The following VAC14 variants were observed in gnomAD, a reference collection of about 807,000 sequenced individuals.
VAC14 encodes VAC14 component of PIKFYVE complex, also known as protein VAC14 homolog.
A neutral mutation model predicts 85.3 loss-of-function variants in VAC14; 47 were observed. That is an observed-to-expected ratio of 0.55 (90% confidence interval 0.44 to 0.70). The LOEUF (loss-of-function observed/expected upper bound fraction) is 0.70. VAC14 is among the 30% of genes least tolerant of loss of function. The pLI is 0.00. For missense variants in VAC14, 861 were observed against 1,004.3 expected (o/e 0.86, Z 1.93); for synonymous variants, 447 against 430.5 (o/e 1.04, Z -0.47).
chr16:70,724,620 G>C (rs1046868218), intron 14 of VAC14, among the ~76,000 whole-genome samples: 3 of 152,162 alleles, frequency 2.0e-5, no homozygotes, highest in Non-Finnish European at 4.4e-5. Flanking sequence ...GAGAAGCCGG[G>C]AGCCGGTTGT....
chr16:70,764,607 G>C (rs2032663357), intron 10 of VAC14, among the ~76,000 whole-genome samples: 2 of 152,326 alleles, frequency 1.3e-5, no homozygotes, highest in South Asian at 4.1e-4. Context: ...CAGGTGAAAT[G>C]AATTTCAATG....
chr16:70,717,576 A>C (rs909075259), intron 14 of VAC14, among the ~76,000 whole-genome samples: 3 of 152,224 alleles, frequency 2.0e-5, no homozygotes, highest in East Asian at 3.8e-4. Context: ...TCCTGACTGC[A>C]CAGAACTGGA....
In VAC14 at chr16:70,750,055, T is replaced by C. The variant is rs2031249950; in HGVS notation, c.1372-5476A>G. 2.0e-5 allele frequency among the ~76,000 whole-genome samples: 3 copies of C among 152,210 alleles called. No individual in the cohort carries two copies. In the South Asian group the frequency reaches 6.2e-4, roughly 31 times the overall value. ...CCTGGAGACCCTGCAACCCTTGGTG[T>C]ATAGGTAGAAACCTCTGGAGGAGAA... On this transcript the variant is annotated intron_variant, in intron 12 of 18. Coordinates refer to ENST00000261776, the MANE Select transcript of VAC14 (RefSeq NM_018052.5).
At chr16:70,763,951 C>A (rs1376541223) in intron 10 of VAC14, among the ~76,000 whole-genome samples, 1 of 152,180 alleles carries the variant, frequency 6.6e-6, no homozygotes, top group Non-Finnish European at 1.5e-5. Flanking sequence ...CCCTTCCTAC[C>A]GAGGCACTAC....
At chr16:70,708,687 G>A (rs1272540325) in intron 14 of VAC14, among the ~76,000 whole-genome samples, 2 of 152,242 alleles carry the variant, frequency 1.3e-5, no homozygotes, top group Non-Finnish European at 2.9e-5. Context: ...ACCCTGTGCT[G>A]GAGGCTCTGA....
chr16:70,692,155 GC>G, intron 18 of VAC14: 1 of 936,108 alleles, frequency 1.1e-6, no homozygotes, highest in Non-Finnish European at 1.3e-6. Context: ...TGGGGTAGGG[GC>G]CAGCCGTGGG....
chr16:70,689,751 A>G (rs1273052571), intron 18 of VAC14: 8 of 985,478 alleles, frequency 8.1e-6, no homozygotes, highest in Non-Finnish European at 9.6e-6. Context: ...GGGCGGGGCC[A>G]TTCTAGAGGG....
intron 13 of VAC14, among the ~76,000 whole-genome samples, chr16:70,740,944 G>A (rs80004107): frequency 0.012 from 1,837 of 152,360 alleles, 38 homozygotes; most frequent in African/African-American, 0.042. Context: ...AGGCCAACAC[G>A]GCAGCTACCC....
intron 14 of VAC14, 153 bp downstream of exon 14, chr16:70,731,342 G>C: frequency 3.4e-6 from 5 of 1,486,318 alleles, no homozygotes; most frequent in Non-Finnish European, 4.5e-6. Context: ...CAGTATGAAG[G>C]GGCAACCTTC....
intron 2 of VAC14, 55 bp downstream of exon 2, chr16:70,786,160 T>G (rs1256031697): frequency 5.0e-6 from 8 of 1,589,324 alleles, no homozygotes; most frequent in Non-Finnish European, 6.0e-6. Flanking sequence ...TCGGGATGGC[T>G]TGGTCAGCGT....
chr16:70,759,008 G>A (rs1260918590), intron 12 of VAC14, among the ~76,000 whole-genome samples: 1 of 152,190 alleles, frequency 6.6e-6, no homozygotes, highest in African/African-American at 2.4e-5. Context: ...GTCACTCGGT[G>A]GAACTGAGGA....
intron 10 of VAC14, among the ~76,000 whole-genome samples, chr16:70,767,822 A>G (rs2032930829): frequency 1.3e-5 from 2 of 152,228 alleles, no homozygotes. Context: ...TAAAGTGTGT[A>G]AAGTGCTTTC....
intron 13 of VAC14, among the ~76,000 whole-genome samples, chr16:70,732,376 G>A (rs981544763): frequency 3.3e-5 from 5 of 152,158 alleles, no homozygotes; most frequent in Admixed American, 6.5e-5. Context: ...TCTCTGACGC[G>A]TGTCCCAGCT....
At chr16:70,749,960 G>A (rs370705855) in intron 12 of VAC14, among the ~76,000 whole-genome samples, 1 of 152,354 alleles carries the variant, frequency 6.6e-6, no homozygotes, top group African/African-American at 2.4e-5. Context: ...AGAGACTGTG[G>A]GGAGCTGCTC....
chr16:70,725,538 T>G (rs1266322023), intron 14 of VAC14, among the ~76,000 whole-genome samples: 1 of 72,078 alleles, frequency 1.4e-5, no homozygotes, highest in Non-Finnish European at 2.7e-5. Context: ...CCACTCCACC[T>G]ATTCCCCCTC....
At position 70,801,089 on chromosome 16, in the gene VAC14, C is replaced by A. The variant is rs1232391569; in HGVS notation, c.-189G>T. ...CCGGACCCCGCTCCAGCACACCTGA[C>A]CCTGGCCGCTTAACAACTCCCGCCC... On this transcript the variant is annotated 5_prime_UTR_variant, in exon 1 of 19. Coordinates refer to ENST00000261776, the MANE Select transcript of VAC14 (RefSeq NM_018052.5). 6 of 455,432 alleles carry A rather than the reference C, an allele frequency of 1.3e-5. No homozygotes were observed. The South Asian group carries it at 1.8e-4, about 13-fold the overall frequency. 28.2% of individuals were successfully genotyped at this position (455,432 alleles called of 1,614,324 possible).
chr16:70,712,597 C>T (rs997429464), intron 14 of VAC14, among the ~76,000 whole-genome samples: 2 of 152,230 alleles, frequency 1.3e-5, no homozygotes, highest in African/African-American at 4.8e-5. Flanking sequence ...CAGAGCTCTC[C>T]GAGTCCAGAG....
intron 1 of VAC14, among the ~76,000 whole-genome samples, chr16:70,794,925 C>A (rs2034480740): frequency 6.6e-6 from 1 of 152,192 alleles, no homozygotes; most frequent in African/African-American, 2.4e-5. Flanking sequence ...CCACAGTGGA[C>A]CCGTAAGATG....
At chr16:70,768,166 G>A (rs1159180701) in intron 10 of VAC14, among the ~76,000 whole-genome samples, 10 of 152,204 alleles carry the variant, frequency 6.6e-5, no homozygotes, top group African/African-American at 2.2e-4. Context: ...GACTACAGGC[G>A]TGAGCCACTG....
Sources: gnomAD v4.1 joint callset for allele counts (sites outside exome capture counted in the v4.1 genomes callset) on GRCh38, gnomAD v4.1.1 for gene constraint, MANE v1.5 for transcripts, NCBI Gene and HGNC (gene_info 2026-07-23, HGNC 2026-07-21) for gene names.